The following MAPK14 variants were observed in gnomAD, a reference collection of about 807,000 sequenced individuals.
MAPK14 encodes the protein mitogen-activated protein kinase 14, also known as CSAID-binding protein.
Under a neutral mutation model 49.6 loss-of-function variants are expected in MAPK14, and 16 were observed. The ratio of observed to expected loss-of-function variants is 0.32; its 90% CI spans 0.22 to 0.49. The LOEUF is 0.49. MAPK14 is among the 20% of genes least tolerant of loss of function. MAPK14 has a pLI of 0.99. For missense variants in MAPK14, 200 were observed against 441.2 expected (o/e 0.45, Z 4.90); for synonymous variants, 142 against 158.0 (o/e 0.90, Z 0.76).
At chr6:36,123,226 C>G in the MAPK14 span, among the ~76,000 whole-genome samples, 16 of 152,178 alleles carry the variant, frequency 1.1e-4, no homozygotes, top group African/African-American at 3.4e-4. Context: ...AGGGAGGAAC[C>G]TGCTTTGGAG....
At chr6:36,088,524 C>T (rs186873798) in intron 8 of MAPK14, among the ~76,000 whole-genome samples, 66 of 152,222 alleles carry the variant, frequency 4.3e-4, no homozygotes, top group Middle Eastern at 6.8e-3. Context: ...AGATCGAGAT[C>T]ATCCTGACTA....
At chr6:36,068,014 CTA>C (rs1764127634) in intron 3 of MAPK14, among the ~76,000 whole-genome samples, 1 of 151,612 alleles carries the variant, frequency 6.6e-6, no homozygotes, top group Admixed American at 6.6e-5. Context: ...AATGCTATAA[CTA>C]AAAAGAAAAG....
intron 3 of MAPK14, among the ~76,000 whole-genome samples, chr6:36,072,607 A>C (rs1263431129): frequency 1.3e-5 from 2 of 151,808 alleles, no homozygotes; most frequent in Non-Finnish European, 2.9e-5. Context: ...TCCACTAAAA[A>C]TACAAAGATT....
the MAPK14 span, among the ~76,000 whole-genome samples, chr6:36,116,517 A>G: frequency 2.0e-5 from 3 of 152,302 alleles, no homozygotes; most frequent in East Asian, 3.9e-4. Flanking sequence ...TTCCACCTTC[A>G]TGAATGTCCA....
chr6:36,095,883 T>A, intron 8 of MAPK14, 104 bp from the exon 9 acceptor site: 1 of 707,266 alleles, frequency 1.4e-6, no homozygotes, highest in Non-Finnish European at 2.4e-6. Flanking sequence ...GGTGTTTCAT[T>A]TTTGTTCTCG....
At chr6:36,061,701 T>C (rs1562118291) in intron 3 of MAPK14, among the ~76,000 whole-genome samples, 1 of 152,174 alleles carries the variant, frequency 6.6e-6, no homozygotes, top group South Asian at 2.1e-4. Context: ...GATGAAAGTG[T>C]CTGGTTGGGG....
intron 9 of MAPK14, chr6:36,096,981 A>T (rs1262779907): frequency 2.0e-5 from 3 of 152,234 alleles, no homozygotes; most frequent in African/African-American, 4.8e-5. Flanking sequence ...AGCTCCAGTT[A>T]TGCCTTCCTG....
intron 1 of MAPK14, among the ~76,000 whole-genome samples, chr6:36,044,569 A>G (rs972854717): frequency 1.3e-5 from 2 of 152,156 alleles, no homozygotes; most frequent in African/African-American, 4.8e-5. Flanking sequence ...CTATATCTCT[A>G]TACCTATCAA....
intron 9 of MAPK14, among the ~76,000 whole-genome samples, chr6:36,101,524 C>T (rs967228523): frequency 1.3e-5 from 2 of 151,646 alleles, no homozygotes; most frequent in African/African-American, 4.9e-5. Context: ...TTAACTCTGT[C>T]ACCCCAGCTG....
At chr6:36,091,556 G>C (rs539661852) in intron 8 of MAPK14, among the ~76,000 whole-genome samples, 7 of 152,256 alleles carry the variant, frequency 4.6e-5, no homozygotes, top group African/African-American at 1.7e-4. Context: ...GCTACGTGAC[G>C]CTCCTTCTGG....
At chr6:36,054,704 T>A (rs941874839) in intron 2 of MAPK14, among the ~76,000 whole-genome samples, 1 of 152,260 alleles carries the variant, frequency 6.6e-6, no homozygotes, top group African/African-American at 2.4e-5. Context: ...TAGGTGCTTA[T>A]AATGTCAAAG....
At chr6:36,118,382 T>C in the MAPK14 span, among the ~76,000 whole-genome samples, 1 of 152,200 alleles carries the variant, frequency 6.6e-6, no homozygotes, top group Non-Finnish European at 1.5e-5. Flanking sequence ...TTGTTCGTTG[T>C]TTTCATGGGA....
chr6:36,045,622 C>G (rs546036464), intron 1 of MAPK14, among the ~76,000 whole-genome samples: 1 of 151,948 alleles, frequency 6.6e-6, no homozygotes, highest in African/African-American at 2.4e-5. Context: ...TCCTGGCTAA[C>G]ACGGTGAAAC....
At chr6:36,059,198 G>A in intron 2 of MAPK14, 91 bp from the exon 3 acceptor site, 8 of 820,060 alleles carry the variant, frequency 9.8e-6, no homozygotes, top group Non-Finnish European at 1.5e-5. Flanking sequence ...CCTAGACCCT[G>A]ACTCTTTAAA....
intron 3 of MAPK14, among the ~76,000 whole-genome samples, chr6:36,069,707 C>CCTCTCTCT (rs147836715): frequency 6.7e-6 from 1 of 148,178 alleles, no homozygotes; most frequent in South Asian, 2.1e-4. Context: ...AAGCTCTTTC[C>CCTCTCTCT]CTCTCTCTCT....
intron 8 of MAPK14, among the ~76,000 whole-genome samples, chr6:36,093,305 T>C (rs116658843): frequency 9.2e-5 from 14 of 152,238 alleles, no homozygotes; most frequent in Non-Finnish European, 1.8e-4. Flanking sequence ...TCTCAGCTCA[T>C]TGATGTAATG....
intron 8 of MAPK14, among the ~76,000 whole-genome samples, chr6:36,089,864 C>A (rs1765147689): frequency 6.6e-6 from 1 of 152,228 alleles, no homozygotes; most frequent in African/African-American, 2.4e-5. Context: ...CAACGCTTAA[C>A]ACTCTGCAGC....
chr6:36,075,771 G>T (rs2127445206), intron 6 of MAPK14, 77 bp from the exon 7 acceptor site: 1 of 1,592,974 alleles, frequency 6.3e-7, no homozygotes, highest in African/African-American at 1.3e-5. Flanking sequence ...AGGTTTGTTT[G>T]TTGTTGTTGT....
intron 1 of MAPK14, among the ~76,000 whole-genome samples, chr6:36,031,207 G>A (rs1027538258): frequency 2.6e-5 from 4 of 152,000 alleles, no homozygotes; most frequent in Non-Finnish European, 5.9e-5. Context: ...TAGAGACGGG[G>A]TTCTCCATGT....
Sources: allele counts gnomAD v4.1 joint callset (sites outside exome capture counted in the v4.1 genomes callset), GRCh38; gene constraint gnomAD v4.1.1; transcripts MANE v1.5; gene names NCBI Gene and HGNC (gene_info 2026-07-23, HGNC 2026-07-21).